Variants in MED28 observed in about 807,000 individuals in gnomAD.
The protein encoded by MED28 is mediator complex subunit 28.
MED28 carries 26 observed loss-of-function variants against 21.3 expected under a neutral mutation model. The observed-to-expected ratio is 1.22, with a 90% CI of 0.89 to 1.69. MED28 has a LOEUF of 1.69. Ranked by LOEUF, MED28 falls within the 40% of genes most tolerant of loss-of-function variation. The pLI is 0.00. For synonymous variants in MED28, 110 were observed against 87.6 expected (o/e 1.26, Z -1.43); for missense variants, 257 against 215.4 (o/e 1.19, Z -1.21).
chr4:17,632,570 G>A lies in MED28; in HGVS notation c.*8772G>A. 6.4e-7 allele frequency: 1 copy of A among 1,551,434 alleles called. No homozygotes were observed. Among genetic ancestry groups the A allele is most frequent in the Non-Finnish European group, 8.7e-7 (1 of 1,146,800 alleles). The stretch of plus-strand genomic sequence containing the variant: ...TACTTGGTGAACCATTCCTGGTGCG[G>A]AGAGCCCTGTTTCTGCTGGACTTCT... On this transcript the variant is annotated 3_prime_UTR_variant, in exon 4 of 4. Coordinates refer to ENST00000237380, the MANE Select transcript of MED28 (RefSeq NM_025205.5).
rs1028657785 is a variant in MED28, at chr4:17,632,641, G to C, written c.*8843G>C. On this transcript the variant is annotated 3_prime_UTR_variant, in exon 4 of 4. Transcript: ENST00000237380. ...ATCTGGGGTCCTAAAAGCAAAAAAA[G>C]GTTTTTTTATATGGTTTTGAAAACT... is the stretch of plus-strand genomic sequence containing the variant. 2.0e-6 allele frequency: 2 copies of C among 1,012,258 alleles called. No homozygotes were observed. The highest frequency in any genetic ancestry group is 2.9e-6 in the Non-Finnish European group (2 of 686,798). The allele number at this position is 1,012,258 out of a possible 1,614,324, so 62.7% of individuals were successfully genotyped here. A position where few individuals can be genotyped will look rare whatever the true frequency, so the allele number is the denominator to read the frequency against.
rs1478798945 is a variant in MED28 at position 17,631,192 on chromosome 4, A to G, written c.*7394A>G. The stretch of plus-strand genomic sequence containing the variant: ...TGAGGCAAATGGCTCAAACCCAAAG[A>G]CCAGAGGTTCAGGGGATATATATAT... On this transcript the variant is annotated 3_prime_UTR_variant, in exon 4 of 4. Transcript: ENST00000237380. The G allele has an allele frequency of 2.0e-5, 3 of 152,004 alleles. No individual in the cohort carries two copies. The highest frequency in any genetic ancestry group is 1.3e-4 in the Admixed American group (2 of 15,254). The allele number at this position is 152,004 out of a possible 1,614,324, so 9.4% of individuals were successfully genotyped here. A position where few individuals can be genotyped will look rare whatever the true frequency, so the allele number is the denominator to read the frequency against.
rs2315553 is a variant in MED28, at chr4:17,625,709, T to C, written c.*1911T>C. 0.62 allele frequency: 273,387 copies of C among 440,376 alleles called. 86,648 individuals are homozygous for C. Among genetic ancestry groups the C allele is most frequent in the East Asian group, 0.89 (12,451 of 13,950 alleles). 27.3% of individuals were successfully genotyped at this position (440,376 alleles called of 1,614,324 possible). ...TAAGAAACCCTCTGAGCTGCTAACT[T>C]TTTCAGGGAGAAAATCACAAGCCAT... On this transcript the variant is annotated 3_prime_UTR_variant, in exon 4 of 4. Coordinates refer to ENST00000237380, the MANE Select transcript of MED28 (RefSeq NM_025205.5).
At position 17,633,722 on chromosome 4, in the gene MED28, G is replaced by A. The variant is rs1172385413; in HGVS notation, c.*9924G>A. 6.5e-7 allele frequency: 1 copy of A among 1,548,540 alleles called. No individual in the cohort carries two copies. Among genetic ancestry groups the A allele is most frequent in the East Asian group, 2.5e-5 (1 of 40,654 alleles). ...AGTTTTTGCATCTGTAGACTGGTTG[G>A]GTTTGTAGGTCCGGCCACAGCTGGG... is the stretch of plus-strand genomic sequence containing the variant. On this transcript the variant is annotated 3_prime_UTR_variant, in exon 4 of 4. Coordinates refer to ENST00000237380, the MANE Select transcript of MED28 (RefSeq NM_025205.5).
rs1383859206 is a variant in MED28, at chr4:17,628,325, T to C, written c.*4527T>C. 2 of 151,230 alleles carry C rather than the reference T, an allele frequency of 1.3e-5. No individual in the cohort carries two copies. The highest frequency in any genetic ancestry group is 2.9e-5 in the Non-Finnish European group (2 of 67,974). 9.4% of individuals were successfully genotyped at this position (151,230 alleles called of 1,614,324 possible). On this transcript the variant is annotated 3_prime_UTR_variant, in exon 4 of 4. Transcript: ENST00000237380. ...ATGCGTATATATGTGTATGTATGTG[T>C]GTATATATATATGTGTGTGTGTATA...
chr4:17,619,326 C>T (rs559581225), intron 1 of MED28, among the ~76,000 whole-genome samples: 6 of 152,286 alleles, frequency 3.9e-5, no homozygotes, highest in African/African-American at 1.4e-4. Flanking sequence ...TCCCTTGTGC[C>T]AAGGCAGTGT....
rs1714895143 is a variant in MED28, at chr4:17,630,519, G to A, written c.*6721G>A. 6.6e-6 allele frequency: 1 copy of A among 152,174 alleles called. No individual in the cohort carries two copies. The highest frequency in any genetic ancestry group is 1.5e-5 in the Non-Finnish European group (1 of 68,044). 9.4% of individuals were successfully genotyped at this position (152,174 alleles called of 1,614,324 possible). On this transcript the variant is annotated 3_prime_UTR_variant, in exon 4 of 4. Coordinates refer to ENST00000237380, the MANE Select transcript of MED28 (RefSeq NM_025205.5). ...TGCTGGTGCCTTGATCTTGGACTTA[G>A]CCTCTAGGACTGTGAGTGACATATT...
chr4:17,632,102 CCT>C lies in MED28; in HGVS notation c.*8307_*8308del, dbSNP rs1407236697. ...TTTTTTTTTTTGGAGACAGGGTCTC[CCT>C]CTGTCACCCAGGCTGGTTGGAATGC... On this transcript the variant is annotated 3_prime_UTR_variant, in exon 4 of 4. Coordinates refer to ENST00000237380, the MANE Select transcript of MED28 (RefSeq NM_025205.5). 6 of 111,908 alleles carry C rather than the reference CCT, an allele frequency of 5.4e-5. No homozygotes were observed. The highest frequency in any genetic ancestry group is 9.1e-5 in the Non-Finnish European group (5 of 54,892). The allele number at this position is 111,908 out of a possible 1,614,324, so 6.9% of individuals were successfully genotyped here.
At chr4:17,616,086 G>T (rs189840009) in intron 1 of MED28, among the ~76,000 whole-genome samples, 1 of 151,930 alleles carries the variant, frequency 6.6e-6, no homozygotes, top group Non-Finnish European at 1.5e-5. Context: ...TCAGCCTCCC[G>T]AGTTGCTGGG....
Position 17,632,186 on chromosome 4 carries a change from C to A in MED28, c.*8388C>A, listed in dbSNP as rs750174845. ...GCCTCCTAGGTTCAAGTGATCCTCC[C>A]GCCTCAGTCCCCCAAGTACCTGGGA... On this transcript the variant is annotated 3_prime_UTR_variant, in exon 4 of 4. Coordinates refer to ENST00000237380, the MANE Select transcript of MED28 (RefSeq NM_025205.5). The A allele has an allele frequency of 6.4e-6, 1 of 155,920 alleles. No homozygotes were observed. The highest frequency in any genetic ancestry group is 1.4e-5 in the Non-Finnish European group (1 of 70,776). 9.7% of individuals were successfully genotyped at this position (155,920 alleles called of 1,614,324 possible). A position where few individuals can be genotyped will look rare whatever the true frequency, so the allele number is the denominator to read the frequency against.
At position 17,625,962 on chromosome 4, in the gene MED28, C is replaced by A. The variant is rs189404063; in HGVS notation, c.*2164C>A. 85 of 177,852 alleles carry A rather than the reference C, an allele frequency of 4.8e-4. No homozygotes were observed. Among genetic ancestry groups the A allele is most frequent in the Non-Finnish European group, 8.5e-4 (71 of 83,992 alleles). The allele number at this position is 177,852 out of a possible 1,614,324, so 11.0% of individuals were successfully genotyped here. The stretch of plus-strand genomic sequence containing the variant: ...TTTGTAAATGATCCCATTCAGTCTT[C>A]TAGAAGCCTTATAACAGAATCAATA... On this transcript the variant is annotated 3_prime_UTR_variant, in exon 4 of 4. Transcript: ENST00000237380.
chr4:17,624,336 T>G lies in MED28; in HGVS notation c.*538T>G, dbSNP rs1319945093. ...TTTCCAGAGCTCTCAGAATGAGGATTTTTTTGTAAATAGGTCAGAAGACGA... is the reference window on the plus strand; with the variant it reads ...TTTCCAGAGCTCTCAGAATGAGGATGTTTTTGTAAATAGGTCAGAAGACGA... On this transcript the variant is annotated 3_prime_UTR_variant, in exon 4 of 4. Coordinates refer to ENST00000237380, the MANE Select transcript of MED28 (RefSeq NM_025205.5). 1 of 158,038 alleles carries G rather than the reference T, an allele frequency of 6.3e-6. No individual in the cohort carries two copies. Among genetic ancestry groups the G allele is most frequent in the Non-Finnish European group, 1.4e-5 (1 of 71,184 alleles). 9.8% of individuals were successfully genotyped at this position (158,038 alleles called of 1,614,324 possible). A position where few individuals can be genotyped will look rare whatever the true frequency, so the allele number is the denominator to read the frequency against.
intron 2 of MED28, among the ~76,000 whole-genome samples, chr4:17,620,457 C>T (rs1348149452): frequency 6.6e-6 from 1 of 151,636 alleles, no homozygotes; most frequent in Non-Finnish European, 1.5e-5. Context: ...TCTCAGCCTC[C>T]CGCGTAGATG....
rs370230362 is a variant in MED28, at chr4:17,631,585, C to T, written c.*7787C>T. 3 of 151,840 alleles carry T rather than the reference C, an allele frequency of 2.0e-5. No homozygotes were observed. The highest frequency in any genetic ancestry group is 2.0e-4 in the Admixed American group (3 of 15,274). 9.4% of individuals were successfully genotyped at this position (151,840 alleles called of 1,614,324 possible). A position where few individuals can be genotyped will look rare whatever the true frequency, so the allele number is the denominator to read the frequency against. ...TAGGATTGGTTATTTACAGAAAAAC[C>T]TTGTGGTACTTAATTCCAATTCATG... On this transcript the variant is annotated 3_prime_UTR_variant, in exon 4 of 4. Coordinates refer to ENST00000237380, the MANE Select transcript of MED28 (RefSeq NM_025205.5).
At position 17,622,324 on chromosome 4, in the gene MED28, G is replaced by T. The variant is rs561258971; in HGVS notation, c.339+625G>T. On this transcript the variant is annotated intron_variant, in intron 3 of 3. Transcript: ENST00000237380. Reference sequence around the variant, plus strand: ...AAACACTGAATTGAGATTATTGGTTGGGGGCAATTTTTGAAGTAACTAGTC... The same window carrying T: ...AAACACTGAATTGAGATTATTGGTTTGGGGCAATTTTTGAAGTAACTAGTC... Among the ~76,000 whole-genome samples, 18 of 152,296 alleles carry T rather than the reference G, an allele frequency of 1.2e-4. No individual in the cohort carries two copies. The South Asian group carries it at 3.5e-3, about 30-fold the overall frequency.
At position 17,623,807 on chromosome 4, in the gene MED28, C is replaced by CA; in HGVS notation, c.*10dup. 1 of 1,611,016 alleles carries CA rather than the reference C, an allele frequency of 6.2e-7. No homozygotes were observed. Among genetic ancestry groups the CA allele is most frequent in the Non-Finnish European group, 8.5e-7 (1 of 1,178,346 alleles). On this transcript the variant is annotated 3_prime_UTR_variant, in exon 4 of 4. Coordinates refer to ENST00000237380, the MANE Select transcript of MED28 (RefSeq NM_025205.5). ...CTCTGAAGCCAACGTGAGCAAAGGG[C>CA]AGAGGCAGTTGGCCTATGAGTGGGC...
rs976930750 is a variant in MED28 at position 17,626,890 on chromosome 4, TCCTCCCAGAAGAACCTCTG to T, written c.*3102_*3120del. 13 of 151,492 alleles carry T rather than the reference TCCTCCCAGAAGAACCTCTG, an allele frequency of 8.6e-5. No homozygotes were observed. The highest frequency in any genetic ancestry group is 2.9e-4 in the African/African-American group (12 of 41,224). 9.4% of individuals were successfully genotyped at this position (151,492 alleles called of 1,614,324 possible). A position where few individuals can be genotyped will look rare whatever the true frequency, so the allele number is the denominator to read the frequency against. On this transcript the variant is annotated 3_prime_UTR_variant, in exon 4 of 4. Transcript: ENST00000237380. ...GGTGACCTTTTCAGCCATTTGACAT[TCCTCCCAGAAGAACCTCTG>T]CCTCCCAGAGGTTTAAGCAGTTCTC...
In MED28 at chr4:17,633,665, C is replaced by T. The variant is rs759610545; in HGVS notation, c.*9867C>T. On this transcript the variant is annotated 3_prime_UTR_variant, in exon 4 of 4. Coordinates refer to ENST00000237380, the MANE Select transcript of MED28 (RefSeq NM_025205.5). ...ATCTACAGGGAAATAGAATAAGGGC[C>T]CCTGTCCCCAACATCCCCCAAACCT... 1.3e-6 allele frequency: 2 copies of T among 1,483,628 alleles called. No homozygotes were observed. Among genetic ancestry groups the T allele is most frequent in the Non-Finnish European group, 1.8e-6 (2 of 1,111,604 alleles). 91.9% of individuals were successfully genotyped at this position (1,483,628 alleles called of 1,614,324 possible).
chr4:17,620,066 A>T, intron 2 of MED28, 99 bp downstream of exon 2: 2 of 1,122,538 alleles, frequency 1.8e-6, no homozygotes, highest in Non-Finnish European at 1.3e-6. Flanking sequence ...TTTTATCCTA[A>T]GACAACATTT....
Sources: allele counts gnomAD v4.1 joint callset (sites outside exome capture counted in the v4.1 genomes callset), GRCh38; gene constraint gnomAD v4.1.1; transcripts MANE v1.5; gene names NCBI Gene and HGNC (gene_info 2026-07-23, HGNC 2026-07-21).